The following TFCP2L1 variants were observed in gnomAD, a reference collection of about 807,000 sequenced individuals.
The protein encoded by TFCP2L1 is transcription factor CP2 like 1.
Under a neutral mutation model 72.2 loss-of-function variants are expected in TFCP2L1, and 12 were observed. The observed-to-expected ratio is 0.17, with a 90% CI of 0.11 to 0.27. TFCP2L1 has a LOEUF of 0.27. Among genes scored for constraint, TFCP2L1 ranks in the 10% least tolerant of loss-of-function variants. TFCP2L1 has a pLI of 1.00. For missense variants in TFCP2L1, 488 were observed against 624.6 expected (o/e 0.78, Z 2.33); for synonymous variants, 260 against 251.0 (o/e 1.04, Z -0.34).
At chr2:121,264,813 G>A (rs1237066015) in intron 2 of TFCP2L1, among the ~76,000 whole-genome samples, 1 of 152,208 alleles carries the variant, frequency 6.6e-6, no homozygotes, top group Non-Finnish European at 1.5e-5. Context: ...CCATCATAAA[G>A]ACAGACACTA....
intron 2 of TFCP2L1, among the ~76,000 whole-genome samples, chr2:121,277,909 A>G (rs1041817469): frequency 6.6e-6 from 1 of 152,200 alleles, no homozygotes; most frequent in Non-Finnish European, 1.5e-5. Flanking sequence ...GCTTTTCTAA[A>G]TTATTCAAAC....
rs576595615 is a variant in TFCP2L1 at position 121,218,007 on chromosome 2, C to T, written c.*6334G>A. ...TCTGAATGCTTCCCCTGCTTCCAAG[C>T]GCAAACCAAGTCATTTTATTCTTTT... On this transcript the variant is annotated 3_prime_UTR_variant, in exon 15 of 15. Transcript: ENST00000263707. 6 of 152,312 alleles carry T rather than the reference C, an allele frequency of 3.9e-5. No homozygotes were observed. Among genetic ancestry groups the T allele is most frequent in the East Asian group, 1.9e-4 (1 of 5,178 alleles). The allele number at this position is 152,312 out of a possible 1,614,324, so 9.4% of individuals were successfully genotyped here.
intron 13 of TFCP2L1, among the ~76,000 whole-genome samples, chr2:121,227,866 G>A (rs937666060): frequency 6.6e-6 from 1 of 151,742 alleles, no homozygotes; most frequent in South Asian, 2.1e-4. Flanking sequence ...TGTCGCCCCC[G>A]CCCCTCCCAC....
At chr2:121,278,719 G>T (rs1201493025) in intron 2 of TFCP2L1, among the ~76,000 whole-genome samples, 2 of 149,898 alleles carry the variant, frequency 1.3e-5, no homozygotes, top group Non-Finnish European at 3.0e-5. Flanking sequence ...ACACCTAGGG[G>T]GTGGCCAGGC....
chr2:121,281,804 A>C (rs1439772574), intron 1 of TFCP2L1, among the ~76,000 whole-genome samples: 2 of 152,138 alleles, frequency 1.3e-5, no homozygotes, highest in East Asian at 1.9e-4. Context: ...ACCCAGGTTG[A>C]GACATTCCTC....
At chr2:121,250,460 A>AATATAT (rs371402612) in intron 2 of TFCP2L1, among the ~76,000 whole-genome samples, 2 of 151,014 alleles carry the variant, frequency 1.3e-5, no homozygotes, top group African/African-American at 4.8e-5. Context: ...TATCTCAAAA[A>AATATAT]ATATATATAT....
chr2:121,244,968 G>A (rs903884740), intron 6 of TFCP2L1, among the ~76,000 whole-genome samples: 18 of 152,144 alleles, frequency 1.2e-4, no homozygotes, highest in African/African-American at 3.9e-4. Context: ...GGACGTGGTC[G>A]GCAGAATAAT....
intron 6 of TFCP2L1, among the ~76,000 whole-genome samples, chr2:121,245,832 G>A (rs1277298849): frequency 1.3e-5 from 2 of 152,130 alleles, no homozygotes; most frequent in Non-Finnish European, 2.9e-5. Context: ...CCAAGCATGG[G>A]TCTTCCACAG....
intron 6 of TFCP2L1, among the ~76,000 whole-genome samples, chr2:121,244,902 C>T (rs537811571): frequency 3.3e-5 from 5 of 152,246 alleles, no homozygotes; most frequent in Non-Finnish European, 5.9e-5. Context: ...TGTCCAGGAC[C>T]GGCAGATCCC....
chr2:121,247,066 G>GACCAAGCAGGGAAGGA, intron 5 of TFCP2L1, 96 bp from the exon 6 acceptor site: 1 of 1,475,658 alleles, frequency 6.8e-7, no homozygotes, highest in Non-Finnish European at 9.2e-7. Context: ...GTCCTTCCCT[G>GACCAAGCAGGGAAGGA]CTTGGTCAGT....
intron 14 of TFCP2L1, 47 bp from the exon 15 acceptor site, chr2:121,224,434 G>C: frequency 6.2e-7 from 1 of 1,604,162 alleles, no homozygotes; most frequent in East Asian, 2.2e-5. Context: ...AAAAGGTGCA[G>C]TGCCACAGTA....
In TFCP2L1 at chr2:121,249,052, C is replaced by T. The variant is rs1686548517; in HGVS notation, c.327G>A (p.Leu109=). Residue 109 remains leucine, a synonymous_variant, in exon 4 of 15, where the codon CTG becomes CTA. Transcript: ENST00000263707. ...IIRVVFHDRR[L]QYTEHQQLEG... is the part of the protein sequence containing the mutation. The stretch of plus-strand genomic sequence containing the variant: ...CCAGCTGCTGGTGCTCCGTATACTG[C>T]AGCCGGCGGTCATGGAAGACCACAC... The T allele has an allele frequency of 2.5e-6, 4 of 1,601,070 alleles. No homozygotes were observed. In the East Asian group the frequency reaches 9.1e-5, roughly 36 times the overall value.
rs1686482646 is a variant in TFCP2L1, at chr2:121,246,412, G to A, written c.657+406C>T. The stretch of plus-strand genomic sequence containing the variant: ...AGGAAGATCCGAGGCCAGGCCTCCA[G>A]CAGGGAGAGACTCTTGCTTTGATTT... On this transcript the variant is annotated intron_variant, in intron 6 of 14. Coordinates refer to ENST00000263707, the MANE Select transcript of TFCP2L1 (RefSeq NM_014553.3). Among the ~76,000 whole-genome samples the A allele has an allele frequency of 2.6e-5, 4 of 152,224 alleles. No individual in the cohort carries two copies. The South Asian group carries it at 8.3e-4, about 31-fold the overall frequency.
intron 2 of TFCP2L1, among the ~76,000 whole-genome samples, chr2:121,270,577 A>T (rs538104588): frequency 6.6e-6 from 1 of 152,352 alleles, no homozygotes; most frequent in African/African-American, 2.4e-5. Flanking sequence ...AACAAGCCTA[A>T]TGTTCCTCAA....
At chr2:121,240,021 G>A (rs1261184277) in intron 7 of TFCP2L1, 9 of 983,788 alleles carry the variant, frequency 9.1e-6, no homozygotes, top group Non-Finnish European at 1.1e-5. Context: ...ACAAATTCGT[G>A]TAAATGTCTG....
chr2:121,252,972 C>A (rs1397038304), intron 2 of TFCP2L1, among the ~76,000 whole-genome samples: 3 of 152,200 alleles, frequency 2.0e-5, no homozygotes, highest in Non-Finnish European at 4.4e-5. Context: ...CCAACCTGGG[C>A]AACACAGCGA....
At chr2:121,226,304 A>G (rs1453677203) in intron 13 of TFCP2L1, among the ~76,000 whole-genome samples, 1 of 150,944 alleles carries the variant, frequency 6.6e-6, no homozygotes, top group Non-Finnish European at 1.5e-5. Context: ...AACCCCAACC[A>G]TCTAGTATGA....
intron 8 of TFCP2L1, among the ~76,000 whole-genome samples, chr2:121,238,562 T>C (rs926514616): frequency 6.6e-6 from 1 of 152,058 alleles, no homozygotes; most frequent in African/African-American, 2.4e-5. Flanking sequence ...TTCTCCATAA[T>C]GGGAAAAAGA....
At chr2:121,273,704 C>T (rs1687090334) in intron 2 of TFCP2L1, among the ~76,000 whole-genome samples, 1 of 152,122 alleles carries the variant, frequency 6.6e-6, no homozygotes, top group South Asian at 2.1e-4. Flanking sequence ...CACATCATTA[C>T]AAGGAAGGGG....
Sources: gnomAD v4.1 joint callset for allele counts (sites outside exome capture counted in the v4.1 genomes callset) on GRCh38, gnomAD v4.1.1 for gene constraint, MANE v1.5 for transcripts, NCBI Gene and HGNC (gene_info 2026-07-23, HGNC 2026-07-21) for gene names.